DGKB: variants seen among roughly 807,000 people sequenced by gnomAD.
DGKB encodes diacylglycerol kinase beta, also known as 90 kDa diacylglycerol kinase.
In DGKB, 67 loss-of-function variants were observed where a neutral mutation model predicts 114.3. The ratio of observed to expected loss-of-function variants is 0.59; its 90% CI spans 0.48 to 0.72. The LOEUF (loss-of-function observed/expected upper bound fraction) is 0.72. Ranked by LOEUF, DGKB falls within the 30% of genes least tolerant of loss-of-function variation. The pLI, the probability that DGKB is intolerant of heterozygous loss-of-function variation, is 0.00. For missense variants in DGKB, 907 were observed against 975.2 expected, an observed-to-expected ratio of 0.93 and a Z score of 0.93; for synonymous variants, 398 against 323.1, an observed-to-expected ratio of 1.23 and a Z score of -2.49.
intron 2 of DGKB, among the ~76,000 whole-genome samples, chr7:14,820,988 C>T (rs1844851839): frequency 6.6e-6 from 1 of 152,218 alleles, no homozygotes; most frequent in African/African-American, 2.4e-5. Flanking sequence ...ACTGAATTGT[C>T]TGTCCTCTCT....
At position 14,970,192 on chromosome 7, in the gene DGKB, A is replaced by T. The variant is rs537413115; in HGVS notation, c.-188+4504T>A. Among the ~76,000 whole-genome samples the T allele has an allele frequency of 2.0e-5, 3 of 152,274 alleles. No individual in the cohort carries two copies. The East Asian group carries it at 5.8e-4, about 29-fold the overall frequency. ...AAAAAATATTAAAAGTTTTGTAGAG[A>T]TTGGCTGCTACCAATGATGATAATG... On this transcript the variant is annotated intron_variant, in intron 1 of 4. Coordinates refer to the DGKB transcript ENST00000437998.
At chr7:14,204,577 G>A (rs1328274255) in intron 23 of DGKB, among the ~76,000 whole-genome samples, 1 of 152,010 alleles carries the variant, frequency 6.6e-6, no homozygotes, top group African/African-American at 2.4e-5. Context: ...TTTTTGATGA[G>A]CTAATATAGC....
At chr7:14,182,336 ATATC>A (rs56816229) in intron 23 of DGKB, among the ~76,000 whole-genome samples, 4,709 of 152,128 alleles carry the variant, frequency 0.031, 97 homozygotes, top group African/African-American at 0.05. Flanking sequence ...GAAAGCATAT[ATATC>A]TCTAAATCAA....
intron 13 of DGKB, among the ~76,000 whole-genome samples, chr7:14,651,739 T>C (rs200004174): frequency 0.083 from 12,250 of 148,474 alleles, 777 homozygotes; most frequent in East Asian, 0.45. Flanking sequence ...TGATTGTATA[T>C]CCAGAAAACC....
At chr7:14,542,567 C>T (rs1056013765) in intron 20 of DGKB, among the ~76,000 whole-genome samples, 9 of 152,182 alleles carry the variant, frequency 5.9e-5, no homozygotes, top group African/African-American at 9.7e-5. Flanking sequence ...CATTTCACTG[C>T]TTTGCCTGGT....
At chr7:14,640,711 A>G (rs1811610622) in intron 13 of DGKB, among the ~76,000 whole-genome samples, 1 of 152,180 alleles carries the variant, frequency 6.6e-6, no homozygotes, top group Admixed American at 6.5e-5. Context: ...GTTATATGTG[A>G]CTTAATTCTT....
intron 20 of DGKB, among the ~76,000 whole-genome samples, chr7:14,523,411 C>T (rs528028210): frequency 6.6e-6 from 1 of 152,176 alleles, no homozygotes; most frequent in African/African-American, 2.4e-5. Context: ...TCAGGTGCAG[C>T]CTTCTTAACT....
intron 23 of DGKB, among the ~76,000 whole-genome samples, chr7:14,193,118 A>T (rs1384207127): frequency 6.6e-6 from 1 of 151,826 alleles, no homozygotes; most frequent in Non-Finnish European, 1.5e-5. Flanking sequence ...CTAATAGGCC[A>T]CAGACCCATA....
intron 23 of DGKB, among the ~76,000 whole-genome samples, chr7:14,181,743 T>C (rs1237774478): frequency 6.6e-6 from 1 of 152,206 alleles, no homozygotes; most frequent in African/African-American, 2.4e-5. Context: ...TGTGTCTATC[T>C]AGAGGAAGAC....
intron 23 of DGKB, among the ~76,000 whole-genome samples, chr7:14,261,402 C>T (rs1044485421): frequency 1.3e-5 from 2 of 152,148 alleles, no homozygotes; most frequent in Non-Finnish European, 2.9e-5. Flanking sequence ...TGGCATAGAT[C>T]ATTCCAAGCA....
At chr7:14,757,102 T>G (rs545231134) in intron 3 of DGKB, among the ~76,000 whole-genome samples, 81 of 152,208 alleles carry the variant, frequency 5.3e-4, no homozygotes, top group African/African-American at 1.7e-3. Flanking sequence ...AATTCCTCCC[T>G]TTTTGTACAA....
chr7:14,698,438 AAG>A (rs1272837920), intron 7 of DGKB, among the ~76,000 whole-genome samples: 1 of 152,150 alleles, frequency 6.6e-6, no homozygotes, highest in Non-Finnish European at 1.5e-5. Flanking sequence ...CTTCTACTAA[AAG>A]AGAGTGTCTG....
At chr7:14,542,926 G>GA (rs1169167177) in intron 20 of DGKB, among the ~76,000 whole-genome samples, 1 of 152,124 alleles carries the variant, frequency 6.6e-6, no homozygotes, top group Non-Finnish European at 1.5e-5. Flanking sequence ...TGATGATTTT[G>GA]AAAAACGGAG....
intron 1 of DGKB, among the ~76,000 whole-genome samples, chr7:14,925,428 C>G (rs1185258520): frequency 6.6e-6 from 1 of 152,006 alleles, no homozygotes; most frequent in Non-Finnish European, 1.5e-5. Context: ...AAAATGTATT[C>G]CAGATGCAAG....
At chr7:14,280,768 T>A (rs568172467) in intron 23 of DGKB, among the ~76,000 whole-genome samples, 1,613 of 148,266 alleles carry the variant, frequency 0.011, 26 homozygotes, top group African/African-American at 0.037. Context: ...CTAAGCTTCA[T>A]AAGTGAAGGA....
intron 21 of DGKB, among the ~76,000 whole-genome samples, chr7:14,385,506 G>GA (rs1211636546): frequency 5.9e-5 from 9 of 152,176 alleles, no homozygotes; most frequent in African/African-American, 1.4e-4. Flanking sequence ...ATGGTCCTCA[G>GA]AGTGAAAAAT....
chr7:14,660,861 G>A (rs1257110267), intron 13 of DGKB, among the ~76,000 whole-genome samples: 1 of 151,924 alleles, frequency 6.6e-6, no homozygotes, highest in African/African-American at 2.4e-5. Flanking sequence ...CAGAGATATA[G>A]ATCAATGGAA....
intron 23 of DGKB, among the ~76,000 whole-genome samples, chr7:14,198,866 A>C (rs1389758650): frequency 6.6e-6 from 1 of 152,040 alleles, no homozygotes; most frequent in East Asian, 1.9e-4. Flanking sequence ...CTGGAAGGAC[A>C]GGGCGAACTG....
chr7:14,661,838 A>C (rs1360963835), intron 13 of DGKB, among the ~76,000 whole-genome samples: 2 of 152,146 alleles, frequency 1.3e-5, no homozygotes, highest in Non-Finnish European at 1.5e-5. Flanking sequence ...GGATTAAGAA[A>C]ATGTGGCGCA....
Sources: gnomAD v4.1 joint callset for allele counts (sites outside exome capture counted in the v4.1 genomes callset) on GRCh38, gnomAD v4.1.1 for gene constraint, MANE v1.5 for transcripts, NCBI Gene and HGNC (gene_info 2026-07-23, HGNC 2026-07-21) for gene names.